PCDH9: variants seen among roughly 807,000 people sequenced by gnomAD.
PCDH9 encodes the protein protocadherin 9, also known as protocadherin-9.
Under a neutral mutation model 70.6 loss-of-function variants are expected in PCDH9, and 24 were observed. That is an observed-to-expected ratio of 0.34 (90% CI 0.25 to 0.48). The LOEUF (loss-of-function observed/expected upper bound fraction) is 0.48, where lower values mean the gene tolerates loss of function less well. Among genes scored for constraint, PCDH9 ranks in the 20% least tolerant of loss-of-function variants. The probability of loss-of-function intolerance (pLI) is 0.99; values close to 1 mark genes in which losing one functional copy is unlikely to be tolerated. For missense variants in PCDH9, 1,281 were observed against 1,503.6 expected (o/e 0.85, Z 2.45); for synonymous variants, 562 against 558.5 (o/e 1.01, Z -0.09).
chr13:66,910,892 A>G (rs2082452648), intron 2 of PCDH9, among the ~76,000 whole-genome samples: 1 of 152,194 alleles, frequency 6.6e-6, no homozygotes, highest in South Asian at 2.1e-4. Flanking sequence ...TTTCCTGAGA[A>G]TGCGTGTTCC....
chr13:66,602,229 T>C (rs1253560362), intron 4 of PCDH9, among the ~76,000 whole-genome samples: 1 of 146,352 alleles, frequency 6.8e-6, no homozygotes, highest in African/African-American at 2.5e-5. Context: ...AAAAATCTCA[T>C]CATGTTTTAA....
chr13:66,674,349 T>C (rs1398519078), intron 3 of PCDH9, among the ~76,000 whole-genome samples: 1 of 152,128 alleles, frequency 6.6e-6, no homozygotes, highest in Non-Finnish European at 1.5e-5. Context: ...CTTCATAGTA[T>C]AAACTGAAAA....
chr13:66,662,071 ATG>A (rs2078017056), intron 3 of PCDH9, among the ~76,000 whole-genome samples: 6 of 151,510 alleles, frequency 4.0e-5, no homozygotes, highest in Non-Finnish European at 2.9e-5. Context: ...GTATGTGTGT[ATG>A]TGTGTTAGGA....
intron 3 of PCDH9, among the ~76,000 whole-genome samples, chr13:66,827,337 G>A (rs1409063383): frequency 7.5e-6 from 1 of 132,738 alleles, no homozygotes; most frequent in Non-Finnish European, 1.6e-5. Flanking sequence ...GTACTAATAG[G>A]ATATTAATGC....
intron 3 of PCDH9, among the ~76,000 whole-genome samples, chr13:66,703,025 T>C (rs995048509): frequency 1.1e-4 from 16 of 152,196 alleles, no homozygotes; most frequent in Non-Finnish European, 2.1e-4. Context: ...TGTGTGTATA[T>C]GTGTGTGTGT....
chr13:66,609,243 A>G (rs2077261075), intron 4 of PCDH9, among the ~76,000 whole-genome samples: 1 of 152,230 alleles, frequency 6.6e-6, no homozygotes, highest in Non-Finnish European at 1.5e-5. Flanking sequence ...AAAATGACAT[A>G]TAGAAAATAA....
chr13:66,616,281 C>T (rs963176932), intron 4 of PCDH9, among the ~76,000 whole-genome samples: 1 of 152,112 alleles, frequency 6.6e-6, no homozygotes, highest in Non-Finnish European at 1.5e-5. Context: ...AACAGACGTC[C>T]ATCAAAGCCA....
chr13:66,839,490 C>T (rs77613737), intron 3 of PCDH9, among the ~76,000 whole-genome samples: 1,840 of 152,292 alleles, frequency 0.012, 32 homozygotes, highest in African/African-American at 0.042. Context: ...ACGCCAGCTA[C>T]GCCTCTGAAA....
chr13:66,675,785 T>C (rs1191128134), intron 3 of PCDH9, among the ~76,000 whole-genome samples: 2 of 152,134 alleles, frequency 1.3e-5, no homozygotes, highest in East Asian at 3.9e-4. Context: ...TGGTAAGAAT[T>C]GGTGCCAGAA....
intron 2 of PCDH9, among the ~76,000 whole-genome samples, chr13:67,115,933 A>G (rs1005327567): frequency 6.6e-6 from 1 of 152,216 alleles, no homozygotes; most frequent in South Asian, 2.1e-4. Context: ...AGCACAGCTT[A>G]GTTTATTAGG....
intron 3 of PCDH9, among the ~76,000 whole-genome samples, chr13:66,662,690 T>C (rs552535534): frequency 1.3e-5 from 2 of 152,218 alleles, no homozygotes; most frequent in South Asian, 4.1e-4. Context: ...GAAGAAACAA[T>C]GGGTGACATA....
intron 3 of PCDH9, among the ~76,000 whole-genome samples, chr13:66,643,613 G>A (rs577598003): frequency 1.3e-5 from 2 of 152,050 alleles, no homozygotes; most frequent in African/African-American, 4.8e-5. Flanking sequence ...AAATTCAAAC[G>A]TATGTCAAGA....
At chr13:66,455,829 T>C (rs537969457) in intron 4 of PCDH9, among the ~76,000 whole-genome samples, 61 of 152,132 alleles carry the variant, frequency 4.0e-4, no homozygotes, top group Non-Finnish European at 7.6e-4. Flanking sequence ...CAATATAGTG[T>C]ATTGTAGTAA....
At chr13:66,679,223 A>G (rs2139055275) in intron 3 of PCDH9, among the ~76,000 whole-genome samples, 1 of 151,856 alleles carries the variant, frequency 6.6e-6, no homozygotes, top group South Asian at 2.1e-4. Context: ...GTTTAGCTAC[A>G]GTCTTTTTAT....
In PCDH9 at chr13:67,228,448, T is replaced by C. The variant is rs750606768; in HGVS notation, c.-8A>G. The C allele has an allele frequency of 6.5e-7, 1 of 1,540,194 alleles. No individual in the cohort carries two copies. The highest frequency in any genetic ancestry group is 8.7e-7 in the Non-Finnish European group (1 of 1,147,010). On this transcript the variant is annotated 5_prime_UTR_variant, in exon 2 of 5. The change creates a new upstream start codon in the 5' untranslated region. Transcript: ENST00000377865. ...AAAATCCCTCAGGTCCATGATAATGTATTTATTTTCTTTTCCTGGATTTTA... is the reference window on the plus strand; with the variant it reads ...AAAATCCCTCAGGTCCATGATAATGCATTTATTTTCTTTTCCTGGATTTTA...
chr13:67,140,326 C>G (rs1359989921), intron 2 of PCDH9, among the ~76,000 whole-genome samples: 1 of 151,860 alleles, frequency 6.6e-6, no homozygotes, highest in African/African-American at 2.4e-5. Flanking sequence ...CCTGTTAGAG[C>G]TAAGGTAAGA....
intron 3 of PCDH9, among the ~76,000 whole-genome samples, chr13:66,787,233 G>A (rs989956755): frequency 6.6e-6 from 1 of 152,116 alleles, no homozygotes; most frequent in Admixed American, 6.6e-5. Flanking sequence ...ACAGCACACG[G>A]TAAAGAACAC....
chr13:67,071,827 T>C (rs1348789611), intron 2 of PCDH9, among the ~76,000 whole-genome samples: 1 of 148,052 alleles, frequency 6.8e-6, no homozygotes, highest in Non-Finnish European at 1.5e-5. Flanking sequence ...AGGCAGAGCT[T>C]GCAGTGAGCT....
At position 67,159,711 on chromosome 13, in the gene PCDH9, AC is replaced by A. The variant is rs146357889; in HGVS notation, c.3036+65693del. Among the ~76,000 whole-genome samples, 331 of 152,312 alleles carry A rather than the reference AC, an allele frequency of 2.2e-3. 3 individuals are homozygous for A. Among genetic ancestry groups the A allele is most frequent in the African/African-American group, 7.5e-3 (312 of 41,564 alleles). The stretch of plus-strand genomic sequence containing the variant: ...TTTTTGGCCTGAAAAATGGTAACAC[AC>A]TTTTTTAGAGAATAGATTTATTCAG... On this transcript the variant is annotated intron_variant, in intron 2 of 4. Coordinates refer to ENST00000377865, the MANE Select transcript of PCDH9 (RefSeq NM_203487.3).
Sources: gnomAD v4.1 joint callset for allele counts (sites outside exome capture counted in the v4.1 genomes callset) on GRCh38, gnomAD v4.1.1 for gene constraint, MANE v1.5 for transcripts, NCBI Gene and HGNC (gene_info 2026-07-23, HGNC 2026-07-21) for gene names.